Variants in LRRTM4 observed in about 807,000 individuals in gnomAD.
LRRTM4 encodes leucine-rich repeat transmembrane neuronal protein 4.
A neutral mutation model predicts 47.6 loss-of-function variants in LRRTM4; 25 were observed. The ratio of observed to expected loss-of-function variants is 0.53; its 90% CI spans 0.38 to 0.73. The LOEUF (loss-of-function observed/expected upper bound fraction) is 0.73. Ranked by LOEUF, LRRTM4 falls within the 30% of genes least tolerant of loss-of-function variation. LRRTM4 has a pLI of 0.00. For synonymous variants in LRRTM4, 311 were observed against 269.5 expected, an observed-to-expected ratio of 1.15 and a Z score of -1.51; for missense variants, 638 against 713.4, an observed-to-expected ratio of 0.89 and a Z score of 1.20.
chr2:76,892,103 AT>A (rs765290497), intron 3 of LRRTM4, among the ~76,000 whole-genome samples: 5 of 151,746 alleles, frequency 3.3e-5, no homozygotes, highest in Non-Finnish European at 5.9e-5. Context: ...AATACAAAAA[AT>A]AAAATAAATT....
chr2:77,139,584 C>T (rs1672055476), intron 3 of LRRTM4, among the ~76,000 whole-genome samples: 1 of 152,148 alleles, frequency 6.6e-6, no homozygotes, highest in Non-Finnish European at 1.5e-5. Context: ...GGGATGCCCT[C>T]TCTCACTACT....
intron 3 of LRRTM4, among the ~76,000 whole-genome samples, chr2:77,042,670 AT>A (rs1679076848): frequency 1.5e-5 from 1 of 67,166 alleles, no homozygotes; most frequent in African/African-American, 1.3e-4. Context: ...CATTCTTATG[AT>A]GATAAGTAAA....
At chr2:76,933,428 C>T (rs1365479528) in intron 3 of LRRTM4, among the ~76,000 whole-genome samples, 1 of 151,860 alleles carries the variant, frequency 6.6e-6, no homozygotes, top group Admixed American at 6.6e-5. Flanking sequence ...TTTAGCATTG[C>T]TGTAAGGATC....
At position 77,521,763 on chromosome 2, in the gene LRRTM4, G is replaced by T; in HGVS notation, c.-92C>A. On this transcript the variant is annotated 5_prime_UTR_variant, in exon 2 of 4. Transcript: ENST00000409884. ...ACCACCACCACCTTCATGACACAGTGCGGCTGTCATTCACACCATTCTGAT... is the reference window on the plus strand; with the variant it reads ...ACCACCACCACCTTCATGACACAGTTCGGCTGTCATTCACACCATTCTGAT... 1 of 1,439,720 alleles carries T rather than the reference G, an allele frequency of 6.9e-7. No homozygotes were observed. Among genetic ancestry groups the T allele is most frequent in the Non-Finnish European group, 9.7e-7 (1 of 1,027,732 alleles). The allele number at this position is 1,439,720 out of a possible 1,614,324, so 89.2% of individuals were successfully genotyped here. A position where few individuals can be genotyped will look rare whatever the true frequency, so the allele number is the denominator to read the frequency against.
At chr2:76,770,283 C>A (rs555719314) in intron 3 of LRRTM4, among the ~76,000 whole-genome samples, 4 of 152,266 alleles carry the variant, frequency 2.6e-5, no homozygotes, top group Non-Finnish European at 5.9e-5. Context: ...AAAACTCATA[C>A]AAAATATTAG....
At chr2:76,878,173 G>C (rs1362903204) in intron 3 of LRRTM4, among the ~76,000 whole-genome samples, 1 of 152,074 alleles carries the variant, frequency 6.6e-6, no homozygotes, top group Non-Finnish European at 1.5e-5. Flanking sequence ...AGATGTTACT[G>C]TCGTAATTGT....
chr2:77,217,440 A>AATATATATATATATATTT (rs1674484617), intron 3 of LRRTM4, among the ~76,000 whole-genome samples: 1 of 76,792 alleles, frequency 1.3e-5, no homozygotes, highest in African/African-American at 6.2e-5. Flanking sequence ...CTCCAAATGA[A>AATATATATATATATATTT]ATATATATAT....
chr2:77,066,240 T>G (rs1679948039), intron 3 of LRRTM4, among the ~76,000 whole-genome samples: 2 of 152,176 alleles, frequency 1.3e-5, no homozygotes, highest in South Asian at 4.1e-4. Context: ...TACGTAGGTT[T>G]TTATGTGTCT....
intron 3 of LRRTM4, among the ~76,000 whole-genome samples, chr2:77,327,388 G>C (rs1048955271): frequency 5.3e-5 from 8 of 152,164 alleles, no homozygotes; most frequent in East Asian, 1.9e-4. Context: ...CGTGGGCATA[G>C]AGTTCAGTTT....
In LRRTM4 at chr2:76,909,889, T is replaced by A. The variant is rs575663190; in HGVS notation, c.1552-160973A>T. On this transcript the variant is annotated intron_variant, in intron 3 of 3. Coordinates refer to ENST00000409884, the MANE Select transcript of LRRTM4 (RefSeq NM_001134745.3). ...GTGAAGAAATAGGAACACTTTCACA[T>A]TGTTGGTGGGACTGTCAACTAGTTC... 2.0e-5 allele frequency among the ~76,000 whole-genome samples: 3 copies of A among 152,152 alleles called. 1 individual carries two copies. The South Asian group carries it at 6.2e-4, about 32-fold the overall frequency.
intron 3 of LRRTM4, among the ~76,000 whole-genome samples, chr2:76,941,002 A>G (rs1187562246): frequency 6.6e-6 from 1 of 152,190 alleles, no homozygotes; most frequent in Non-Finnish European, 1.5e-5. Context: ...TAGTAAAAGC[A>G]GCTCAAGTGT....
intron 3 of LRRTM4, among the ~76,000 whole-genome samples, chr2:77,146,599 T>C (rs537768493): frequency 4.6e-4 from 70 of 152,318 alleles, no homozygotes; most frequent in African/African-American, 1.7e-3. Context: ...AAATTTTCTT[T>C]TTTCATTGTT....
At chr2:77,125,620 A>G (rs1030429717) in intron 3 of LRRTM4, among the ~76,000 whole-genome samples, 3 of 152,134 alleles carry the variant, frequency 2.0e-5, no homozygotes, top group Non-Finnish European at 4.4e-5. Flanking sequence ...TTGTTATCTA[A>G]TTGTGCTTTT....
chr2:76,792,336 C>CAGAG lies in LRRTM4; in HGVS notation c.1552-43424_1552-43421dup, dbSNP rs1260653090. ...ACACATTAAGTTAAATACCAACCCC[C>CAGAG]AGAGACCAGGAATATAATAAAATGG... is the stretch of plus-strand genomic sequence containing the variant. On this transcript the variant is annotated intron_variant, in intron 3 of 3. Transcript: ENST00000409884. 1.2e-4 allele frequency among the ~76,000 whole-genome samples: 19 copies of CAGAG among 152,164 alleles called. No homozygotes were observed. In the East Asian group the frequency reaches 3.5e-3, roughly 28 times the overall value.
intron 3 of LRRTM4, among the ~76,000 whole-genome samples, chr2:77,349,570 G>C (rs2104293007): frequency 6.6e-6 from 1 of 152,088 alleles, no homozygotes; most frequent in South Asian, 2.1e-4. Context: ...TGGGAAGGGA[G>C]AGATAAGAGA....
chr2:76,812,687 CTTTCTTTCTTTT>C (rs1670770074), intron 3 of LRRTM4, among the ~76,000 whole-genome samples: 1 of 150,110 alleles, frequency 6.7e-6, no homozygotes, highest in East Asian at 2.0e-4. Flanking sequence ...TTCTTTCTTT[CTTTCTTTCTTTT>C]CTTTCTTTAT....
At chr2:77,082,426 T>G (rs1558568855) in intron 3 of LRRTM4, among the ~76,000 whole-genome samples, 1 of 152,072 alleles carries the variant, frequency 6.6e-6, no homozygotes, top group African/African-American at 2.4e-5. Context: ...TAGAAACAAA[T>G]ATTAATTTTA....
intron 3 of LRRTM4, among the ~76,000 whole-genome samples, chr2:76,920,591 A>T (rs566783772): frequency 6.6e-6 from 1 of 152,194 alleles, no homozygotes; most frequent in East Asian, 1.9e-4. Context: ...TGTCAACTTG[A>T]TTTATTTGTA....
At chr2:77,318,235 T>G (rs1240037575) in intron 3 of LRRTM4, among the ~76,000 whole-genome samples, 1 of 152,138 alleles carries the variant, frequency 6.6e-6, no homozygotes, top group East Asian at 1.9e-4. Context: ...CTTGATCTCC[T>G]GAACTCGTGA....
Sources: gnomAD v4.1 joint callset for allele counts (sites outside exome capture counted in the v4.1 genomes callset) on GRCh38, gnomAD v4.1.1 for gene constraint, MANE v1.5 for transcripts, NCBI Gene and HGNC (gene_info 2026-07-23, HGNC 2026-07-21) for gene names.